The following CPEB3 variants were observed in gnomAD, a reference collection of about 807,000 sequenced individuals.
CPEB3 encodes the protein cytoplasmic polyadenylation element-binding protein 3.
In CPEB3, 20 loss-of-function variants were observed where a neutral mutation model predicts 67.2. The observed-to-expected ratio is 0.30, with a 90% CI of 0.21 to 0.43. The LOEUF (loss-of-function observed/expected upper bound fraction) is 0.43. CPEB3 is among the 20% of genes least tolerant of loss of function. CPEB3 has a pLI of 1.00. For synonymous variants in CPEB3, 376 were observed against 393.1 expected (o/e 0.96, Z 0.51); for missense variants, 746 against 968.6 (o/e 0.77, Z 3.05).
At chr10:92,104,678 G>A (rs1252116626) in intron 7 of CPEB3, among the ~76,000 whole-genome samples, 1 of 151,808 alleles carries the variant, frequency 6.6e-6, no homozygotes, top group Non-Finnish European at 1.5e-5. Context: ...GAGGCACCAC[G>A]CCCGGCTGGA....
intron 6 of CPEB3, among the ~76,000 whole-genome samples, chr10:92,111,632 C>A (rs976862408): frequency 1.3e-5 from 2 of 152,204 alleles, no homozygotes; most frequent in African/African-American, 4.8e-5. Context: ...ACCAGCAAAT[C>A]TATCAAGACA....
At chr10:92,057,525 C>T (rs1302957203) in intron 9 of CPEB3, among the ~76,000 whole-genome samples, 1 of 152,234 alleles carries the variant, frequency 6.6e-6, no homozygotes, top group Non-Finnish European at 1.5e-5. Flanking sequence ...TGGGGAATCT[C>T]GCTGCCCTAA....
In CPEB3 at chr10:92,050,945, T is replaced by C. The variant is rs1346863373; in HGVS notation, c.*1267A>G. ...TTTATAATATATCAGTTATGAACTG[T>C]CAAGTTCATTAATGTCTGACAGAGG... On this transcript the variant is annotated 3_prime_UTR_variant, in exon 10 of 10. Coordinates refer to ENST00000265997, the MANE Select transcript of CPEB3 (RefSeq NM_014912.5). 6.5e-6 allele frequency: 1 copy of C among 152,694 alleles called. No homozygotes were observed. Among genetic ancestry groups the C allele is most frequent in the Non-Finnish European group, 1.5e-5 (1 of 68,042 alleles). 9.5% of individuals were successfully genotyped at this position (152,694 alleles called of 1,614,324 possible).
chr10:92,089,565 T>A (rs990452330), intron 8 of CPEB3, among the ~76,000 whole-genome samples: 1 of 151,956 alleles, frequency 6.6e-6, no homozygotes, highest in African/African-American at 2.4e-5. Flanking sequence ...GGCGGGTGAA[T>A]CATGAGGTCA....
chr10:92,112,153 A>C (rs1844780381), intron 6 of CPEB3, among the ~76,000 whole-genome samples: 1 of 118,132 alleles, frequency 8.5e-6, no homozygotes, highest in Non-Finnish European at 1.7e-5. Flanking sequence ...TTTTTTTGAG[A>C]TGCAGTCTTG....
At chr10:92,157,076 CTGGCTT>C (rs1474335633) in intron 4 of CPEB3, among the ~76,000 whole-genome samples, 8 of 152,218 alleles carry the variant, frequency 5.3e-5, no homozygotes, top group African/African-American at 1.9e-4. Context: ...GATCTTGACT[CTGGCTT>C]TAACTTGGTC....
At chr10:92,290,854 C>G (rs1842834857) in intron 1 of CPEB3, 72 bp downstream of exon 1, 1 of 152,492 alleles carries the variant, frequency 6.6e-6, no homozygotes, top group Non-Finnish European at 1.5e-5. Context: ...CTTCAGCCCC[C>G]TCCCCTCACC....
chr10:92,199,632 C>T (rs1015880691), intron 2 of CPEB3, among the ~76,000 whole-genome samples: 2 of 140,568 alleles, frequency 1.4e-5, no homozygotes, highest in Non-Finnish European at 3.0e-5. Flanking sequence ...TGCAGTGAAC[C>T]GAGATCACGC....
chr10:92,178,818 C>A (rs1028904137), intron 4 of CPEB3, among the ~76,000 whole-genome samples: 23 of 152,132 alleles, frequency 1.5e-4, no homozygotes, highest in African/African-American at 5.6e-4. Flanking sequence ...TTTATCCCAG[C>A]AAATTTGTCG....
At chr10:92,103,894 C>CT (rs1340423677) in intron 7 of CPEB3, among the ~76,000 whole-genome samples, 2 of 152,160 alleles carry the variant, frequency 1.3e-5, no homozygotes, top group Admixed American at 1.3e-4. Context: ...GATGTTGTTA[C>CT]TGGCATGCTG....
intron 9 of CPEB3, among the ~76,000 whole-genome samples, chr10:92,068,818 C>G (rs1478141993): frequency 1.3e-5 from 2 of 152,112 alleles, no homozygotes; most frequent in Non-Finnish European, 2.9e-5. Context: ...ACCCAAACTC[C>G]CTTTAAAAAA....
Position 92,094,810 on chromosome 10 carries a change from C to CTG in CPEB3, c.1573-2867_1573-2866insCA, listed in dbSNP as rs1843783548. ...ACTGTGAGAACAAAGATTCTAATGA[C>CTG]ACACACACACACACACACACACACA... On this transcript the variant is annotated intron_variant, in intron 7 of 9. Coordinates refer to ENST00000265997, the MANE Select transcript of CPEB3 (RefSeq NM_014912.5). 4.0e-5 allele frequency among the ~76,000 whole-genome samples: 3 copies of CTG among 75,496 alleles called. No individual in the cohort carries two copies. The South Asian group carries it at 8.7e-4, about 22-fold the overall frequency. 49.5% of individuals were successfully genotyped at this position (75,496 alleles called of 152,430 possible). A position where few individuals can be genotyped will look rare whatever the true frequency, so the allele number is the denominator to read the frequency against.
At chr10:92,236,347 T>C (rs962885113) in intron 2 of CPEB3, among the ~76,000 whole-genome samples, 2 of 152,236 alleles carry the variant, frequency 1.3e-5, no homozygotes, top group African/African-American at 2.4e-5. Flanking sequence ...ATGAAGTGAC[T>C]TTTAGATAAA....
intron 6 of CPEB3, among the ~76,000 whole-genome samples, chr10:92,116,543 T>C (rs556865754): frequency 8.6e-4 from 130 of 150,674 alleles, no homozygotes; most frequent in African/African-American, 3.1e-3. Flanking sequence ...TCTCTATTAG[T>C]TTGAAAGGTA....
chr10:92,245,955 T>G (rs1276512286), intron 1 of CPEB3, among the ~76,000 whole-genome samples: 3 of 151,384 alleles, frequency 2.0e-5, no homozygotes, highest in East Asian at 3.9e-4. Flanking sequence ...GGAGAATCAC[T>G]AGAACCTGGG....
intron 9 of CPEB3, among the ~76,000 whole-genome samples, chr10:92,054,956 C>G (rs1287814957): frequency 6.6e-6 from 1 of 152,130 alleles, no homozygotes; most frequent in Non-Finnish European, 1.5e-5. Context: ...TGTCTACCTA[C>G]AGGGAAACAC....
At chr10:92,221,179 AAC>A (rs1044276840) in intron 2 of CPEB3, among the ~76,000 whole-genome samples, 1 of 152,202 alleles carries the variant, frequency 6.6e-6, no homozygotes, top group Admixed American at 6.5e-5. Context: ...CCAGAAATGT[AAC>A]AACATCTCAC....
At chr10:92,063,512 C>G (rs1233802987) in intron 9 of CPEB3, among the ~76,000 whole-genome samples, 3 of 152,166 alleles carry the variant, frequency 2.0e-5, no homozygotes, top group Non-Finnish European at 4.4e-5. Context: ...CGCCTGTAAT[C>G]CCAGCACTTT....
chr10:92,220,120 A>G (rs972005808), intron 2 of CPEB3, among the ~76,000 whole-genome samples: 2 of 151,824 alleles, frequency 1.3e-5, no homozygotes, highest in African/African-American at 4.8e-5. Context: ...GGGCCACTGC[A>G]CTCCAGACTA....
Sources: allele counts gnomAD v4.1 joint callset (sites outside exome capture counted in the v4.1 genomes callset), GRCh38; gene constraint gnomAD v4.1.1; transcripts MANE v1.5; gene names NCBI Gene and HGNC (gene_info 2026-07-23, HGNC 2026-07-21).